Variants in CAPZA1 observed in about 807,000 individuals in gnomAD.
CAPZA1 encodes capping actin protein of muscle Z-line subunit alpha 1, also known as F-actin-capping protein subunit alpha-1.
A neutral mutation model predicts 40.8 loss-of-function variants in CAPZA1; 10 were observed. That is an observed-to-expected ratio of 0.25 (90% CI 0.15 to 0.42). CAPZA1 has a LOEUF of 0.42. Ranked by LOEUF, CAPZA1 falls within the 10% of genes least tolerant of loss-of-function variation. The pLI is 1.00. For missense variants in CAPZA1, 277 were observed against 353.8 expected (o/e 0.78, Z 1.74); for synonymous variants, 98 against 115.0 (o/e 0.85, Z 0.95).
At position 112,619,895 on chromosome 1, in the gene CAPZA1, G is replaced by GCC. The variant is rs1557722237; in HGVS notation, c.39+13_39+14dup. The GCC allele has an allele frequency of 1.9e-6, 3 of 1,605,044 alleles. No individual in the cohort carries two copies. Among genetic ancestry groups the GCC allele is most frequent in the Non-Finnish European group, 1.7e-6 (2 of 1,174,882 alleles). Reference sequence around the variant, plus strand: ...CGGATGAGGAGAAGGTAAGGGGTCCGCCTCTCTCTCTTACCTCCTCCCCCG... The same window carrying GCC: ...CGGATGAGGAGAAGGTAAGGGGTCCGCCCCTCTCTCTCTTACCTCCTCCCCCG... On this transcript the variant is annotated intron_variant, in intron 1 of 9. Transcript: ENST00000263168.
chr1:112,622,247 TATC>T (rs780718380), intron 1 of CAPZA1, among the ~76,000 whole-genome samples: 1 of 152,236 alleles, frequency 6.6e-6, no homozygotes, highest in African/African-American at 2.4e-5. Flanking sequence ...AAGCTAGTAA[TATC>T]ATCTATTCTC....
chr1:112,640,748 A>T (rs574410559), intron 1 of CAPZA1, among the ~76,000 whole-genome samples: 2 of 152,392 alleles, frequency 1.3e-5, no homozygotes, highest in South Asian at 2.1e-4. Context: ...AGAACGGGCC[A>T]GGATGACAAT....
Position 112,670,929 on chromosome 1 carries a change from G to T in CAPZA1, c.*797G>T, listed in dbSNP as rs1202843874. ...ACTGCTGACGTACTGTGGATGTAGA[G>T]TATAAAACTTGAAAAATGCAGATGT... On this transcript the variant is annotated 3_prime_UTR_variant, in exon 10 of 10. Coordinates refer to ENST00000263168, the MANE Select transcript of CAPZA1 (RefSeq NM_006135.3). The T allele has an allele frequency of 6.6e-6, 1 of 152,548 alleles. No homozygotes were observed. Among genetic ancestry groups the T allele is most frequent in the Non-Finnish European group, 1.5e-5 (1 of 68,020 alleles). The allele number at this position is 152,548 out of a possible 1,614,324, so 9.4% of individuals were successfully genotyped here.
intron 1 of CAPZA1, among the ~76,000 whole-genome samples, chr1:112,641,985 A>G (rs1671177431): frequency 6.6e-6 from 1 of 152,070 alleles, no homozygotes; most frequent in African/African-American, 2.4e-5. Flanking sequence ...GTTGTTTAAA[A>G]AAAAACCTTT....
At chr1:112,657,198 C>T (rs1159038645) in intron 5 of CAPZA1, among the ~76,000 whole-genome samples, 1 of 152,074 alleles carries the variant, frequency 6.6e-6, no homozygotes, top group Non-Finnish European at 1.5e-5. Context: ...CCATACCTAT[C>T]TAATTTTTCT....
At position 112,619,842 on chromosome 1, in the gene CAPZA1, A is replaced by G. The variant is rs1179002488; in HGVS notation, c.-3A>G. On this transcript the variant is annotated 5_prime_UTR_variant, in exon 1 of 10. Transcript: ENST00000263168. The stretch of plus-strand genomic sequence containing the variant: ...TAGCCGGGCTGGGCCAGAACAGCCC[A>G]AGATGGCCGACTTCGATGATCGTGT... 1.2e-6 allele frequency: 2 copies of G among 1,613,158 alleles called. No individual in the cohort carries two copies. Among genetic ancestry groups the G allele is most frequent in the Non-Finnish European group, 1.7e-6 (2 of 1,179,628 alleles).
At chr1:112,664,376 T>C (rs2101189011) in intron 7 of CAPZA1, among the ~76,000 whole-genome samples, 1 of 152,272 alleles carries the variant, frequency 6.6e-6, no homozygotes, top group Non-Finnish European at 1.5e-5. Flanking sequence ...TCTAATGATA[T>C]CCACAAAGAG....
At position 112,644,184 on chromosome 1, in the gene CAPZA1, C is replaced by CTT. The variant is rs60802838; in HGVS notation, c.40-3003_40-3002dup. 6.7e-4 allele frequency among the ~76,000 whole-genome samples: 38 copies of CTT among 56,776 alleles called. 1 individual carries two copies. Among genetic ancestry groups the CTT allele is most frequent in the African/African-American group, 7.9e-4 (10 of 12,660 alleles). The allele number at this position is 56,776 out of a possible 152,430, so 37.2% of individuals were successfully genotyped here. A position where few individuals can be genotyped will look rare whatever the true frequency, so the allele number is the denominator to read the frequency against. On this transcript the variant is annotated intron_variant, in intron 1 of 9. Coordinates refer to ENST00000263168, the MANE Select transcript of CAPZA1 (RefSeq NM_006135.3). Reference sequence around the variant, plus strand: ...TTTTTTTCTAATTCTCTTCTCCCAGCTTTTTTTTTTTTTTTTTTTTTTTTG... The same window carrying CTT: ...TTTTTTTCTAATTCTCTTCTCCCAGCTTTTTTTTTTTTTTTTTTTTTTTTTTG...
At chr1:112,636,122 G>GA (rs1671012288) in intron 1 of CAPZA1, among the ~76,000 whole-genome samples, 1 of 152,190 alleles carries the variant, frequency 6.6e-6, no homozygotes, top group African/African-American at 2.4e-5. Flanking sequence ...ATAAGCTACA[G>GA]TTTTATAAAT....
intron 5 of CAPZA1, among the ~76,000 whole-genome samples, chr1:112,657,536 C>A (rs891935352): frequency 3.3e-5 from 5 of 152,266 alleles, no homozygotes; most frequent in South Asian, 4.1e-4. Context: ...CACACTGAAG[C>A]CAATCAACCA....
chr1:112,626,692 C>G (rs145570219), intron 1 of CAPZA1, among the ~76,000 whole-genome samples: 7 of 152,290 alleles, frequency 4.6e-5, no homozygotes, highest in African/African-American at 1.4e-4. Flanking sequence ...TTAATTATCT[C>G]TCTGCCTCAG....
chr1:112,640,488 TG>T (rs1428486538), intron 1 of CAPZA1, among the ~76,000 whole-genome samples: 14 of 115,342 alleles, frequency 1.2e-4, no homozygotes, highest in Admixed American at 4.9e-4. Context: ...GGGAGGGAGG[TG>T]GGGGGGTCAG....
chr1:112,622,845 A>G (rs893268496), intron 1 of CAPZA1, among the ~76,000 whole-genome samples: 2 of 151,872 alleles, frequency 1.3e-5, no homozygotes, highest in Non-Finnish European at 2.9e-5. Context: ...TAGATGAAAT[A>G]TGAGGGCTTT....
chr1:112,669,846 G>T, intron 9 of CAPZA1, 146 bp from the exon 10 acceptor site: 1 of 899,706 alleles, frequency 1.1e-6, no homozygotes, highest in East Asian at 2.6e-5. Context: ...CTACTTCAGA[G>T]ATTGGAGAGG....
chr1:112,666,917 CA>C (rs1267953820), intron 7 of CAPZA1, 156 bp from the exon 8 acceptor site: 5 of 562,208 alleles, frequency 8.9e-6, no homozygotes, highest in Non-Finnish European at 1.3e-5. Context: ...ATTAATTAAC[CA>C]CCATTGTGAA....
At chr1:112,631,761 G>A (rs1334110623) in intron 1 of CAPZA1, among the ~76,000 whole-genome samples, 7 of 151,950 alleles carry the variant, frequency 4.6e-5, no homozygotes, top group Non-Finnish European at 1.0e-4. Flanking sequence ...GGCAACCTCC[G>A]GACCAGAATA....
chr1:112,670,476 A>G lies in CAPZA1; in HGVS notation c.*344A>G, dbSNP rs1340846143. 3 of 214,124 alleles carry G rather than the reference A, an allele frequency of 1.4e-5. No homozygotes were observed. The highest frequency in any genetic ancestry group is 1.4e-4 in the East Asian group (1 of 7,016). 13.3% of individuals were successfully genotyped at this position (214,124 alleles called of 1,614,324 possible). On this transcript the variant is annotated 3_prime_UTR_variant, in exon 10 of 10. Transcript: ENST00000263168. ...AGTTTCCTAGCCATGAAGCCCTGCT[A>G]CTGATTTAGACAAGGTATTATGGTC...
intron 1 of CAPZA1, among the ~76,000 whole-genome samples, chr1:112,641,886 C>CAAAA (rs56057393): frequency 6.1e-5 from 6 of 98,066 alleles, no homozygotes; most frequent in African/African-American, 2.3e-4. Flanking sequence ...GAGACTGTCT[C>CAAAA]AAAAAAAAAA....
At chr1:112,624,344 C>T (rs367917830) in intron 1 of CAPZA1, among the ~76,000 whole-genome samples, 12 of 152,008 alleles carry the variant, frequency 7.9e-5, no homozygotes, top group Admixed American at 7.9e-4. Context: ...CATGATGGCT[C>T]ACGCTCGTAA....
Sources: gnomAD v4.1 joint callset for allele counts (sites outside exome capture counted in the v4.1 genomes callset) on GRCh38, gnomAD v4.1.1 for gene constraint, MANE v1.5 for transcripts, NCBI Gene and HGNC (gene_info 2026-07-23, HGNC 2026-07-21) for gene names.